FBXO31: variants seen among roughly 807,000 people sequenced by gnomAD.
FBXO31 encodes the protein F-box only protein 31.
A neutral mutation model predicts 54.4 loss-of-function variants in FBXO31; 24 were observed. The ratio of observed to expected loss-of-function variants is 0.44; its 90% CI spans 0.32 to 0.62. The LOEUF (loss-of-function observed/expected upper bound fraction) is 0.62, where lower values mean the gene tolerates loss of function less well. FBXO31 is among the 20% of genes least tolerant of loss of function. The pLI is 0.05. For synonymous variants in FBXO31, 388 were observed against 335.6 expected, an observed-to-expected ratio of 1.16 and a Z score of -1.71; for missense variants, 665 against 787.1, an observed-to-expected ratio of 0.84 and a Z score of 1.86.
At position 87,343,682 on chromosome 16, in the gene FBXO31, C is replaced by A; in HGVS notation, c.573G>T (p.Leu191=). ...HVDDPMRFKP[L]FRIHLMERKA... Reference sequence around the variant, plus strand: ...TCCTCTCCATCAGGTGGATCCTGAACAGAGGCTTGAATCTCATAGGGTCAT... The same window carrying A: ...TCCTCTCCATCAGGTGGATCCTGAAAAGAGGCTTGAATCTCATAGGGTCAT... The change falls in exon 4 of 9, where the codon CTG becomes CTT. Residue 191 remains leucine (L), a synonymous_variant. Coordinates refer to ENST00000311635, the MANE Select transcript of FBXO31 (RefSeq NM_024735.5). The A allele has an allele frequency of 6.2e-7, 1 of 1,614,264 alleles. No homozygotes were observed. The highest frequency in any genetic ancestry group is 8.5e-7 in the Non-Finnish European group (1 of 1,180,048).
rs568211403 is a variant in FBXO31, at chr16:87,378,891, G to A, written c.340+4514C>T. Among the ~76,000 whole-genome samples, 309 of 151,628 alleles carry A rather than the reference G, an allele frequency of 2.0e-3. 1 individual carries two copies. Among genetic ancestry groups the A allele is most frequent in the Non-Finnish European group, 3.1e-3 (209 of 67,898 alleles). On this transcript the variant is annotated intron_variant, in intron 1 of 8. Transcript: ENST00000311635. ...GCAGGAGAATGGCGTGAACCCAGGA[G>A]GCGGAGCTTGCAATGAGCAGAGATG...
At chr16:87,384,107 A>C (rs557690041), upstream of FBXO31, 65 of 157,002 alleles carry the variant, frequency 4.1e-4, no homozygotes, top group African/African-American at 1.3e-3. Context: ...CTCGGCGACC[A>C]CTTCGCGCCG....
chr16:87,364,388 T>C (rs1417657433), intron 1 of FBXO31, among the ~76,000 whole-genome samples: 1 of 152,214 alleles, frequency 6.6e-6, no homozygotes, highest in African/African-American at 2.4e-5. Context: ...CAGCAGGCCC[T>C]GGATGGCCAG....
intron 1 of FBXO31, among the ~76,000 whole-genome samples, chr16:87,377,435 G>C (rs964798676): frequency 6.6e-6 from 1 of 152,158 alleles, no homozygotes; most frequent in Non-Finnish European, 1.5e-5. Flanking sequence ...GACATCACGA[G>C]GGAGACCCTG....
rs1394951136 is a variant in FBXO31 at position 87,383,449 on chromosome 16, C to T, written c.296G>A (p.Arg99His). 1 of 1,587,434 alleles carries T rather than the reference C, an allele frequency of 6.3e-7. No individual in the cohort carries two copies. Among genetic ancestry groups the T allele is most frequent in the Non-Finnish European group, 8.5e-7 (1 of 1,170,626 alleles). The change falls in exon 1 of 9, where the codon CGC (arginine) becomes CAC (histidine). Residue 99 changes from arginine to histidine, a missense_variant. Coordinates refer to ENST00000311635, the MANE Select transcript of FBXO31 (RefSeq NM_024735.5). This position sits in a 1 kb window ranked among gnomAD's most constrained non-coding sequence, Gnocchi z 4.9. ...CCAGATGGTGTCGGTGTGGAGGATG[C>T]GCCGGAACTTCGTGCAGACCTGGGC... is the stretch of plus-strand genomic sequence containing the variant. ...SLAQVCTKFRRILHTDTIWRR... is the reference protein window; with the variant it reads ...SLAQVCTKFRHILHTDTIWRR...
chr16:87,361,271 A>G (rs1224740487), intron 1 of FBXO31, among the ~76,000 whole-genome samples: 1 of 152,250 alleles, frequency 6.6e-6, no homozygotes, highest in Non-Finnish European at 1.5e-5. Flanking sequence ...TTTAACAGAG[A>G]AAACAAGTGC....
chr16:87,343,777 G>A lies in FBXO31; in HGVS notation c.490-12C>T, dbSNP rs1230271341. 6.2e-7 allele frequency: 1 copy of A among 1,613,960 alleles called. No homozygotes were observed. The highest frequency in any genetic ancestry group is 8.5e-7 in the Non-Finnish European group (1 of 1,179,890). On this transcript the variant is annotated splice_polypyrimidine_tract_variant and intron_variant, in intron 3 of 8. Coordinates refer to ENST00000311635, the MANE Select transcript of FBXO31 (RefSeq NM_024735.5). ...AACAGGCCGTCCACCTACAGGAGGA[G>A]ATGGGCAAAGGTCCATGAGTGGCTC... is the stretch of plus-strand genomic sequence containing the variant.
intron 2 of FBXO31, among the ~76,000 whole-genome samples, chr16:87,357,595 T>C (rs976573176): frequency 1.3e-5 from 2 of 151,338 alleles, no homozygotes; most frequent in African/African-American, 2.4e-5. Context: ...CCCAAAGCAC[T>C]GGGATTACAG....
In FBXO31 at chr16:87,328,310, T is replaced by C. The variant is rs1904721814; in HGVS notation, c.*2978A>G. The C allele has an allele frequency of 6.6e-6, 1 of 152,468 alleles. No individual in the cohort carries two copies. The highest frequency in any genetic ancestry group is 1.5e-5 in the Non-Finnish European group (1 of 68,250). 9.4% of individuals were successfully genotyped at this position (152,468 alleles called of 1,614,324 possible). A position where few individuals can be genotyped will look rare whatever the true frequency, so the allele number is the denominator to read the frequency against. The stretch of plus-strand genomic sequence containing the variant: ...AGGGCATGTGGCTAGAGGAAGGACA[T>C]GGCCACCCACCCCTCCCTCCTCGTG... On this transcript the variant is annotated 3_prime_UTR_variant, in exon 9 of 9. Coordinates refer to ENST00000311635, the MANE Select transcript of FBXO31 (RefSeq NM_024735.5).
intron 1 of FBXO31, among the ~76,000 whole-genome samples, chr16:87,376,172 A>C (rs1041657734): frequency 6.6e-6 from 1 of 152,134 alleles, no homozygotes; most frequent in Non-Finnish European, 1.5e-5. Flanking sequence ...TCATGGCCCA[A>C]AATTATCTGA....
chr16:87,344,669 C>T (rs1486893599), intron 3 of FBXO31, among the ~76,000 whole-genome samples: 2 of 151,970 alleles, frequency 1.3e-5, no homozygotes, highest in African/African-American at 2.4e-5. Flanking sequence ...TTACTCACTG[C>T]CAGTAAGTAA....
intron 1 of FBXO31, among the ~76,000 whole-genome samples, chr16:87,368,992 G>C (rs531775772): frequency 6.6e-6 from 1 of 152,102 alleles, no homozygotes; most frequent in African/African-American, 2.4e-5. Flanking sequence ...AGTAGTGACG[G>C]GGTTTCGCCA....
intron 1 of FBXO31, among the ~76,000 whole-genome samples, chr16:87,381,877 A>G (rs146978303): frequency 5.2e-4 from 79 of 152,274 alleles, no homozygotes; most frequent in Admixed American, 1.4e-3. Flanking sequence ...TACAAAAATT[A>G]GCCGGGCACG....
In FBXO31 at chr16:87,346,864, C is replaced by T. The variant is rs749300121; in HGVS notation, c.489+310G>A. ...ACGGAAGGACCTGGCTGAGGGCGGG[C>T]TCCAGACCCCGCCAACATGTGCGCG... On this transcript the variant is annotated intron_variant, in intron 3 of 8. Coordinates refer to ENST00000311635, the MANE Select transcript of FBXO31 (RefSeq NM_024735.5). This position sits in a 1 kb window ranked among gnomAD's most constrained non-coding sequence, Gnocchi z 4.2. 2.6e-5 allele frequency among the ~76,000 whole-genome samples: 4 copies of T among 152,192 alleles called. No individual in the cohort carries two copies. The highest frequency in any genetic ancestry group is 5.9e-5 in the Non-Finnish European group (4 of 68,040).
At chr16:87,380,933 C>CA (rs1013036260) in intron 1 of FBXO31, among the ~76,000 whole-genome samples, 4 of 152,160 alleles carry the variant, frequency 2.6e-5, no homozygotes, top group African/African-American at 9.7e-5. Context: ...TTTGATTACA[C>CA]AAAAAACCTT....
upstream of FBXO31, among the ~76,000 whole-genome samples, chr16:87,387,786 G>A (rs1597384573): frequency 6.6e-6 from 1 of 152,298 alleles, no homozygotes; most frequent in South Asian, 2.1e-4. Flanking sequence ...GGGCAATGGT[G>A]CATTCCAGCC....
In FBXO31 at chr16:87,334,064, G is replaced by T. The variant is rs1338009009; in HGVS notation, c.1219C>A (p.Pro407Thr). 5 of 1,611,248 alleles carry T rather than the reference G, an allele frequency of 3.1e-6. No individual in the cohort carries two copies. The highest frequency in any genetic ancestry group is 4.2e-6 in the Non-Finnish European group (5 of 1,179,044). ...CCCTTGCTGGGCGCCTCTGCCCTGG[G>T]CTGGGCAGGGCTTGGCTGGGACTCC... is the stretch of plus-strand genomic sequence containing the variant. Reference protein sequence around the residue: ...PRESQPSPAQPRAEAPSKGPD... With the variant: ...PRESQPSPAQTRAEAPSKGPD... Residue 407 changes from proline to threonine, a missense_variant, in exon 8 of 9, where the codon CCC (proline) becomes ACC (threonine). By Grantham distance (38) the Pro-to-Thr change is conservative. Around this residue, in one of 4 missense-constraint regions of FBXO31, gnomAD observed 165 missense variants for 159.7 expected, o/e 1.03. Coordinates refer to ENST00000311635, the MANE Select transcript of FBXO31 (RefSeq NM_024735.5).
chr16:87,383,802 C>T (rs1486765282), upstream of FBXO31: 11 of 1,126,702 alleles, frequency 9.8e-6, no homozygotes, highest in East Asian at 2.5e-4. This position sits in a 1 kb window ranked among gnomAD's most constrained non-coding sequence, Gnocchi z 4.9. Flanking sequence ...CGGCCCCGCC[C>T]CGCCAGCGCC....
chr16:87,373,189 C>T (rs1235402634), intron 1 of FBXO31, among the ~76,000 whole-genome samples: 1 of 151,936 alleles, frequency 6.6e-6, no homozygotes, highest in Admixed American at 6.5e-5. Flanking sequence ...CAGTGGCTCA[C>T]GCCTGTAATC....
Sources: gnomAD v4.1 joint callset for allele counts (sites outside exome capture counted in the v4.1 genomes callset) on GRCh38, gnomAD v4.1.1 for gene constraint, gnomAD v4.1.1 regional missense constraint, Gnocchi (gnomAD v3.1) non-coding constraint, MANE v1.5 for transcripts, NCBI Gene and HGNC (gene_info 2026-07-23, HGNC 2026-07-21) for gene names.